Variants in DIS3L2 observed in about 807,000 individuals in gnomAD.
The protein encoded by DIS3L2 is DIS3 like 3'-5' exoribonuclease 2.
A neutral mutation model predicts 97.5 loss-of-function variants in DIS3L2; 34 were observed. The ratio of observed to expected loss-of-function variants is 0.35; its 90% confidence interval spans 0.27 to 0.46. DIS3L2 has a LOEUF of 0.46. DIS3L2 is among the 20% of genes least tolerant of loss of function. The pLI is 1.00. For synonymous variants in DIS3L2, 435 were observed against 445.2 expected, an observed-to-expected ratio of 0.98 and a Z score of 0.29; for missense variants, 1,038 against 1,146.0, an observed-to-expected ratio of 0.91 and a Z score of 1.36.
At chr2:232,228,232 C>T (rs1162163764) in intron 10 of DIS3L2, among the ~76,000 whole-genome samples, 2 of 152,196 alleles carry the variant, frequency 1.3e-5, no homozygotes, top group East Asian at 3.9e-4. Context: ...TCCCAAACTG[C>T]TGGGATTATA....
chr2:232,025,989 A>G (rs1694646169), intron 4 of DIS3L2, among the ~76,000 whole-genome samples: 1 of 152,206 alleles, frequency 6.6e-6, no homozygotes, highest in Non-Finnish European at 1.5e-5. Context: ...AACTGGGTAT[A>G]TTCAGACCTC....
intron 14 of DIS3L2, among the ~76,000 whole-genome samples, chr2:232,304,502 C>T (rs990384483): frequency 1.3e-5 from 2 of 152,182 alleles, no homozygotes; most frequent in Non-Finnish European, 2.9e-5. Context: ...ATGGCAGCAA[C>T]GATGAGGAAA....
Position 232,135,301 on chromosome 2 carries a change from C to G in DIS3L2, c.703-1171C>G, listed in dbSNP as rs1333196819. ...GGACCACCTGAACCAGAAGAGGGTG[C>G]ACATACATGCATGAGGCTGGAAGAG... On this transcript the variant is annotated intron_variant, in intron 7 of 20. Transcript: ENST00000325385. 4.6e-5 allele frequency among the ~76,000 whole-genome samples: 7 copies of G among 152,000 alleles called. 1 individual carries two copies. Among genetic ancestry groups the G allele is most frequent in the Non-Finnish European group, 1.0e-4 (7 of 68,026 alleles).
chr2:232,195,467 G>T (rs2106200687), intron 9 of DIS3L2, among the ~76,000 whole-genome samples: 1 of 151,542 alleles, frequency 6.6e-6, no homozygotes, highest in East Asian at 1.9e-4. Flanking sequence ...AGGGAATGGG[G>T]AATGCTGGTT....
At chr2:231,981,656 A>G (rs1433052582) in intron 1 of DIS3L2, among the ~76,000 whole-genome samples, 1 of 138,232 alleles carries the variant, frequency 7.2e-6, no homozygotes, top group South Asian at 2.3e-4. Flanking sequence ...TTTACATATT[A>G]TATATCATAT....
intron 6 of DIS3L2, among the ~76,000 whole-genome samples, chr2:232,129,540 G>A (rs1042790128): frequency 1.3e-5 from 2 of 152,216 alleles, no homozygotes; most frequent in African/African-American, 4.8e-5. Context: ...AAACAATGAG[G>A]ATTCTGCATT....
At chr2:232,007,121 T>G (rs1214386550) in intron 1 of DIS3L2, among the ~76,000 whole-genome samples, 1 of 152,104 alleles carries the variant, frequency 6.6e-6, no homozygotes. Flanking sequence ...GTTCTTACAT[T>G]GGTTGTGTGC....
intron 12 of DIS3L2, among the ~76,000 whole-genome samples, chr2:232,260,878 C>T (rs1693695686): frequency 6.6e-6 from 1 of 152,116 alleles, no homozygotes; most frequent in African/African-American, 2.4e-5. Context: ...ATGGGGAATG[C>T]CTACATACTC....
intron 6 of DIS3L2, among the ~76,000 whole-genome samples, chr2:232,116,234 C>T (rs1697707326): frequency 6.6e-6 from 1 of 151,216 alleles, no homozygotes; most frequent in Non-Finnish European, 1.5e-5. Flanking sequence ...CAGATGAATA[C>T]TATTGTGAAG....
intron 12 of DIS3L2, among the ~76,000 whole-genome samples, chr2:232,253,569 CACTT>C (rs1490070901): frequency 2.6e-5 from 4 of 152,144 alleles, no homozygotes; most frequent in African/African-American, 9.6e-5. Context: ...AGAAAAGTAA[CACTT>C]AGTATTTATG....
At chr2:232,059,770 A>G (rs1695650389) in intron 5 of DIS3L2, among the ~76,000 whole-genome samples, 1 of 152,170 alleles carries the variant, frequency 6.6e-6, no homozygotes, top group Admixed American at 6.6e-5. Context: ...TACTTAGGAT[A>G]GTGGCCTCCA....
intron 6 of DIS3L2, among the ~76,000 whole-genome samples, chr2:232,099,210 T>C (rs984333147): frequency 1.3e-5 from 2 of 152,034 alleles, no homozygotes; most frequent in African/African-American, 4.8e-5. Flanking sequence ...ATTAGGGTAG[T>C]ATTTTTTGTA....
chr2:232,261,114 G>C (rs886629553), intron 12 of DIS3L2, among the ~76,000 whole-genome samples: 1 of 152,088 alleles, frequency 6.6e-6, no homozygotes, highest in East Asian at 1.9e-4. Context: ...AGCCTCCTTT[G>C]TACTTTGCCT....
rs1480480892 is a variant in DIS3L2, at chr2:232,304,088, TC to T, written c.1739+3971del. 4.6e-5 allele frequency among the ~76,000 whole-genome samples: 7 copies of T among 151,994 alleles called. No individual in the cohort carries two copies. In the South Asian group the frequency reaches 6.2e-4, roughly 14 times the overall value. On this transcript the variant is annotated intron_variant, in intron 14 of 20. Coordinates refer to ENST00000325385, the MANE Select transcript of DIS3L2 (RefSeq NM_152383.5). Reference sequence around the variant, plus strand: ...ATTCTGTCAGCCTCCCAAAAGCTGCTCCAGTCTGCATCTGGAGGTGTGAGGC... The same window carrying T: ...ATTCTGTCAGCCTCCCAAAAGCTGCTCAGTCTGCATCTGGAGGTGTGAGGC...
intron 13 of DIS3L2, among the ~76,000 whole-genome samples, chr2:232,287,398 C>CCCCCCCCCCG (rs1694472322): frequency 1.4e-5 from 1 of 69,070 alleles, no homozygotes; most frequent in Non-Finnish European, 2.9e-5. Context: ...GCCCCCCCCC[C>CCCCCCCCCCG]CCCCCGCTTT....
chr2:231,974,189 T>G (rs1165950889), intron 1 of DIS3L2, among the ~76,000 whole-genome samples: 1 of 152,140 alleles, frequency 6.6e-6, no homozygotes, highest in Non-Finnish European at 1.5e-5. Context: ...GGGGGTGTGC[T>G]TGTCTCTGTG....
intron 1 of DIS3L2, among the ~76,000 whole-genome samples, chr2:232,011,729 T>A (rs3100604): frequency 0.8 from 121,500 of 152,124 alleles, 49,249 homozygotes; most frequent in African/African-American, 0.92. Flanking sequence ...GGCTCACTGC[T>A]ACCTCTGCCT....
rs1259648730 is a variant in DIS3L2 at position 232,281,385 on chromosome 2, CA to C, written c.1659+17947del. Among the ~76,000 whole-genome samples, 1 of 152,150 alleles carries C rather than the reference CA, an allele frequency of 6.6e-6. No individual in the cohort carries two copies. Among genetic ancestry groups the C allele is most frequent in the Non-Finnish European group, 1.5e-5 (1 of 68,026 alleles). On this transcript the variant is annotated intron_variant, in intron 13 of 20. Coordinates refer to ENST00000325385, the MANE Select transcript of DIS3L2 (RefSeq NM_152383.5). This position sits in a 1 kb window ranked among gnomAD's most constrained non-coding sequence, Gnocchi z 4.1. ...CTGCACTTCAGCCTGGGTGACAGAG[CA>C]AGACTCTGTCTCAAAAAGAAAAAAA...
chr2:232,296,022 G>C (rs753899062), intron 13 of DIS3L2, among the ~76,000 whole-genome samples: 2 of 152,152 alleles, frequency 1.3e-5, no homozygotes, highest in East Asian at 3.8e-4. Context: ...TTACAATCTT[G>C]CTTATAAACT....
Sources: gnomAD v4.1 joint callset for allele counts (sites outside exome capture counted in the v4.1 genomes callset) on GRCh38, gnomAD v4.1.1 for gene constraint, Gnocchi (gnomAD v3.1) non-coding constraint, MANE v1.5 for transcripts, NCBI Gene and HGNC (gene_info 2026-07-23, HGNC 2026-07-21) for gene names.